The following DNAJC27 variants were observed in gnomAD, a reference collection of about 807,000 sequenced individuals.
DNAJC27 encodes DnaJ heat shock protein family (Hsp40) member C27, also known as dnaJ homolog subfamily C member 27.
In DNAJC27, 25 loss-of-function variants were observed where a neutral mutation model predicts 31.4. The ratio of observed to expected loss-of-function variants is 0.80; its 90% CI spans 0.58 to 1.11. The LOEUF (loss-of-function observed/expected upper bound fraction) is 1.11, where lower values mean the gene tolerates loss of function less well. DNAJC27 is among the 50% of genes most tolerant of loss of function. The pLI is 0.00. For missense variants in DNAJC27, 356 were observed against 347.3 expected, an observed-to-expected ratio of 1.02 and a Z score of -0.20; for synonymous variants, 106 against 112.7, an observed-to-expected ratio of 0.94 and a Z score of 0.37.
Position 24,947,470 on chromosome 2 carries a change from G to T in DNAJC27, c.*146C>A. ...TCTCAGTAAAATGTCTATGAAATGG[G>T]TACCTGAATTACTGATATACAAATG... On this transcript the variant is annotated 3_prime_UTR_variant, in exon 7 of 7. Coordinates refer to ENST00000264711, the MANE Select transcript of DNAJC27 (RefSeq NM_016544.3). The T allele has an allele frequency of 1.1e-6, 1 of 950,046 alleles. No individual in the cohort carries two copies. Among genetic ancestry groups the T allele is most frequent in the Non-Finnish European group, 1.6e-6 (1 of 640,182 alleles). The allele number at this position is 950,046 out of a possible 1,614,324, so 58.9% of individuals were successfully genotyped here. A position where few individuals can be genotyped will look rare whatever the true frequency, so the allele number is the denominator to read the frequency against.
At position 24,947,398 on chromosome 2, in the gene DNAJC27, A is replaced by G; in HGVS notation, c.*218T>C. 2.2e-6 allele frequency: 1 copy of G among 453,684 alleles called. No individual in the cohort carries two copies. Among genetic ancestry groups the G allele is most frequent in the Admixed American group, 3.7e-5 (1 of 27,118 alleles). 28.1% of individuals were successfully genotyped at this position (453,684 alleles called of 1,614,324 possible). A position where few individuals can be genotyped will look rare whatever the true frequency, so the allele number is the denominator to read the frequency against. On this transcript the variant is annotated 3_prime_UTR_variant, in exon 7 of 7. Coordinates refer to ENST00000264711, the MANE Select transcript of DNAJC27 (RefSeq NM_016544.3). Reference sequence around the variant, plus strand: ...AGAATTATCTAGAAATATGAAATGAAGTACAGGGTGTGACGCTCAGTTCAC... The same window carrying G: ...AGAATTATCTAGAAATATGAAATGAGGTACAGGGTGTGACGCTCAGTTCAC...
Position 24,945,488 on chromosome 2 carries a change from G to A in DNAJC27, c.*2128C>T, listed in dbSNP as rs1665625030. The A allele has an allele frequency of 6.6e-6, 1 of 152,118 alleles. No homozygotes were observed. Among genetic ancestry groups the A allele is most frequent in the Non-Finnish European group, 1.5e-5 (1 of 68,026 alleles). The allele number at this position is 152,118 out of a possible 1,614,324, so 9.4% of individuals were successfully genotyped here. A position where few individuals can be genotyped will look rare whatever the true frequency, so the allele number is the denominator to read the frequency against. On this transcript the variant is annotated 3_prime_UTR_variant, in exon 7 of 7. Coordinates refer to ENST00000264711, the MANE Select transcript of DNAJC27 (RefSeq NM_016544.3). ...AAAACTGGCACCAGCTTTCATAGAG[G>A]GCCACACATTCAGAGTTGTCGTGTC...
At chr2:24,965,392 A>T (rs1666155469) in intron 2 of DNAJC27, among the ~76,000 whole-genome samples, 1 of 151,582 alleles carries the variant, frequency 6.6e-6, no homozygotes, top group Admixed American at 6.6e-5. Flanking sequence ...AGTAGTTGGG[A>T]TTATAGGCAA....
chr2:24,957,973 A>G lies in DNAJC27; in HGVS notation c.242T>C (p.Val81Ala), dbSNP rs765275307. 3 of 1,609,640 alleles carry G rather than the reference A, an allele frequency of 1.9e-6. No individual in the cohort carries two copies. In the Admixed American group the frequency reaches 5.1e-5, roughly 27 times the overall value. Residue 81 changes from valine (V) to alanine (A), a missense_variant and splice_region_variant, in exon 4 of 7, where the codon GTT becomes GCT. By Grantham distance (64) the Val-to-Ala change is moderately conservative (BLOSUM62 0). Transcript: ENST00000264711. ...DMAGHPFFYE[V>A]RNEFYKDTQG... ...TGTGTCCTTGTAAAACTCATTTCGA[A>G]CCTTCAAATAAAAGGACAGATACAC...
intron 3 of DNAJC27, among the ~76,000 whole-genome samples, chr2:24,960,780 G>A (rs536689190): frequency 6.6e-6 from 1 of 152,248 alleles, no homozygotes; most frequent in Non-Finnish European, 1.5e-5. Context: ...TGAGAGAGAT[G>A]AGGAAGCTGC....
At chr2:24,955,179 A>C (rs191328701) in intron 5 of DNAJC27, among the ~76,000 whole-genome samples, 1 of 152,374 alleles carries the variant, frequency 6.6e-6, no homozygotes, top group Admixed American at 6.5e-5. Flanking sequence ...AAAGAGGTAA[A>C]GAAAAATACA....
rs1558552795 is a variant in DNAJC27 at position 24,957,024 on chromosome 2, C to CAA, written c.528+17_528+18dup. ...AGTGGCCTTGACACAAACCTTAAAACAACAAAATGCTAGCTTACCTGGAAC... is the reference window on the plus strand; with the variant it reads ...AGTGGCCTTGACACAAACCTTAAAACAAAACAAAATGCTAGCTTACCTGGAAC... On this transcript the variant is annotated intron_variant, in intron 5 of 6. Coordinates refer to ENST00000264711, the MANE Select transcript of DNAJC27 (RefSeq NM_016544.3). 6.3e-7 allele frequency: 1 copy of CAA among 1,598,568 alleles called. No homozygotes were observed. Among genetic ancestry groups the CAA allele is most frequent in the East Asian group, 2.3e-5 (1 of 44,240 alleles).
At chr2:24,956,878 TCCTTTCTCTCCC>T (rs1665915660) in intron 5 of DNAJC27, among the ~76,000 whole-genome samples, 153 bp downstream of exon 5, 1 of 152,210 alleles carries the variant, frequency 6.6e-6, no homozygotes, top group African/African-American at 2.4e-5. Context: ...CATTCTCTCT[TCCTTTCTCTCCC>T]CCTTTCTCTA....
chr2:24,948,523 T>TAG (rs971245501), intron 6 of DNAJC27, among the ~76,000 whole-genome samples: 4 of 151,700 alleles, frequency 2.6e-5, no homozygotes, highest in Non-Finnish European at 5.9e-5. Flanking sequence ...TGGAAAGGGG[T>TAG]AGTCCAGAAT....
At chr2:24,967,730 T>C (rs1437896538) in intron 1 of DNAJC27, among the ~76,000 whole-genome samples, 1 of 150,374 alleles carries the variant, frequency 6.7e-6, no homozygotes, top group Non-Finnish European at 1.5e-5. Context: ...AACTATAAAA[T>C]AACTGAAACA....
intron 5 of DNAJC27, among the ~76,000 whole-genome samples, chr2:24,953,131 GAAT>G (rs1218183132): frequency 6.6e-6 from 1 of 151,850 alleles, no homozygotes; most frequent in Non-Finnish European, 1.5e-5. Flanking sequence ...AATTATTATT[GAAT>G]AATACTCATT....
Position 24,944,008 on chromosome 2 carries a change from G to A in DNAJC27, c.*3608C>T, listed in dbSNP as rs1237243511. 1 of 152,174 alleles carries A rather than the reference G, an allele frequency of 6.6e-6. No individual in the cohort carries two copies. The highest frequency in any genetic ancestry group is 6.5e-5 in the Admixed American group (1 of 15,284). 9.4% of individuals were successfully genotyped at this position (152,174 alleles called of 1,614,324 possible). A position where few individuals can be genotyped will look rare whatever the true frequency, so the allele number is the denominator to read the frequency against. Reference sequence around the variant, plus strand: ...CTAGAAAAGTTTAATGGAAAAAAACGATGTACAAACAGTAAAACTGTATCT... The same window carrying A: ...CTAGAAAAGTTTAATGGAAAAAAACAATGTACAAACAGTAAAACTGTATCT... On this transcript the variant is annotated 3_prime_UTR_variant, in exon 7 of 7. Coordinates refer to ENST00000264711, the MANE Select transcript of DNAJC27 (RefSeq NM_016544.3).
In DNAJC27 at chr2:24,960,764, G is replaced by T. The variant is rs114633683; in HGVS notation, c.240+2641C>A. ...AGTCTCTAACTCTCTTCATTTCCAT[G>T]AAGGCTGAGAGAGATGAGGAAGCTG... On this transcript the variant is annotated intron_variant, in intron 3 of 6. Coordinates refer to ENST00000264711, the MANE Select transcript of DNAJC27 (RefSeq NM_016544.3). Among the ~76,000 whole-genome samples, 937 of 152,336 alleles carry T rather than the reference G, an allele frequency of 6.2e-3. 8 individuals carry two copies. Among genetic ancestry groups the T allele is most frequent in the African/African-American group, 0.022 (899 of 41,554 alleles).
rs554150615 is a variant in DNAJC27, at chr2:24,960,664, A to G, written c.241-2690T>C. ...GTGAGACAGCATATTGCTGATATGG[A>G]GAAAGCGTTAGTGGTCTGGATAGAA... On this transcript the variant is annotated intron_variant, in intron 3 of 6. Transcript: ENST00000264711. Among the ~76,000 whole-genome samples the G allele has an allele frequency of 6.6e-5, 10 of 152,368 alleles. No individual in the cohort carries two copies. In the South Asian group the frequency reaches 1.7e-3, roughly 25 times the overall value.
chr2:24,944,119 T>G lies in DNAJC27; in HGVS notation c.*3497A>C, dbSNP rs984029931. On this transcript the variant is annotated 3_prime_UTR_variant, in exon 7 of 7. Transcript: ENST00000264711. Reference sequence around the variant, plus strand: ...GCAATGGAAAGTGGTTAGCTATATTTTGCAGCTAAGTTCATTTTCAAAAGT... The same window carrying G: ...GCAATGGAAAGTGGTTAGCTATATTGTGCAGCTAAGTTCATTTTCAAAAGT... 2 of 152,244 alleles carry G rather than the reference T, an allele frequency of 1.3e-5. No individual in the cohort carries two copies. Among genetic ancestry groups the G allele is most frequent in the Admixed American group, 1.3e-4 (2 of 15,284 alleles). 9.4% of individuals were successfully genotyped at this position (152,244 alleles called of 1,614,324 possible).
chr2:24,957,980 A>G lies in DNAJC27; in HGVS notation c.241-6T>C, dbSNP rs1216581692. The stretch of plus-strand genomic sequence containing the variant: ...TTGTAAAACTCATTTCGAACCTTCA[A>G]ATAAAAGGACAGATACACAAAACGT... On this transcript the variant is annotated splice_polypyrimidine_tract_variant and splice_region_variant and intron_variant, in intron 3 of 6. Transcript: ENST00000264711. 1.2e-6 allele frequency: 2 copies of G among 1,609,536 alleles called. No individual in the cohort carries two copies. The highest frequency in any genetic ancestry group is 1.7e-5 in the Admixed American group (1 of 59,206).
intron 5 of DNAJC27, among the ~76,000 whole-genome samples, chr2:24,954,072 T>C (rs190122429): frequency 5.4e-4 from 82 of 152,172 alleles, no homozygotes; most frequent in Non-Finnish European, 6.8e-4. Flanking sequence ...ACAAGTCTCA[T>C]TGAGCTAAGG....
At chr2:24,967,700 T>TAA (rs565339788) in intron 1 of DNAJC27, among the ~76,000 whole-genome samples, 25 of 132,962 alleles carry the variant, frequency 1.9e-4, no homozygotes, top group African/African-American at 4.0e-4. Context: ...AACGCTTGTC[T>TAA]AAAAAAAAAA....
chr2:24,965,210 G>A (rs1666150892), intron 2 of DNAJC27, among the ~76,000 whole-genome samples: 2 of 151,070 alleles, frequency 1.3e-5, no homozygotes, highest in African/African-American at 2.4e-5. Flanking sequence ...CGACAAGAGC[G>A]AAACTCTGTC....
Sources: allele counts gnomAD v4.1 joint callset (sites outside exome capture counted in the v4.1 genomes callset), GRCh38; gene constraint gnomAD v4.1.1; transcripts MANE v1.5; gene names NCBI Gene and HGNC (gene_info 2026-07-23, HGNC 2026-07-21).